The following SERP1 variants were observed in gnomAD, a reference collection of about 807,000 sequenced individuals.
The protein encoded by SERP1 is stress associated endoplasmic reticulum protein 1.
Under a neutral mutation model 8.8 loss-of-function variants are expected in SERP1, and 6 were observed. The ratio of observed to expected loss-of-function variants is 0.68; its 90% CI spans 0.37 to 1.35. The LOEUF is 1.35. SERP1 is among the 40% of genes most tolerant of loss of function. The pLI, the probability that SERP1 is intolerant of heterozygous loss-of-function variation, is 0.02. For missense variants in SERP1, 52 were observed against 86.2 expected (o/e 0.60, Z 1.57); for synonymous variants, 36 against 28.7 (o/e 1.25, Z -0.81).
chr3:150,545,097 T>C (rs1722952078), intron 2 of SERP1, among the ~76,000 whole-genome samples: 2 of 152,204 alleles, frequency 1.3e-5, no homozygotes, highest in African/African-American at 2.4e-5. Context: ...TTGTAATCTA[T>C]TTGCAAAGGC....
chr3:150,545,669 G>A (rs374893493), intron 2 of SERP1, 34 bp downstream of exon 2: 1 of 1,578,806 alleles, frequency 6.3e-7, no homozygotes, highest in Non-Finnish European at 8.6e-7. Context: ...TTCAACCCAA[G>A]ACTCTACCTG....
At position 150,546,395 on chromosome 3, in the gene SERP1, G is replaced by GCGCCGCCGT; in HGVS notation, c.-269_-261dup. The stretch of plus-strand genomic sequence containing the variant: ...GAGAACTGGCCGCCGGGTCGTTCTC[G>GCGCCGCCGT]CGCCGCCGTCGCCGCCGCTTTGGCC... On this transcript the variant is annotated 5_prime_UTR_variant, in exon 1 of 3. Transcript: ENST00000239944. The GCGCCGCCGT allele has an allele frequency of 3.6e-6, 2 of 561,328 alleles. No homozygotes were observed. Among genetic ancestry groups the GCGCCGCCGT allele is most frequent in the Non-Finnish European group, 6.2e-6 (2 of 321,496 alleles). 34.8% of individuals were successfully genotyped at this position (561,328 alleles called of 1,614,324 possible).
chr3:150,545,881 C>G, intron 1 of SERP1, 103 bp from the exon 2 acceptor site: 1 of 1,371,204 alleles, frequency 7.3e-7, no homozygotes, highest in Admixed American at 2.2e-5. Flanking sequence ...TCACAGGTCT[C>G]CCCTTCCGTT....
At chr3:150,546,005 C>T (rs577549504) in intron 1 of SERP1, 47 bp downstream of exon 1, 2 of 1,608,552 alleles carry the variant, frequency 1.2e-6, no homozygotes, top group Admixed American at 3.3e-5. Context: ...GGGACCCGGA[C>T]TCAGCTCCGG....
intron 1 of SERP1, 69 bp from the exon 2 acceptor site, chr3:150,545,847 A>ACGCCGGT: frequency 6.7e-7 from 1 of 1,491,490 alleles, no homozygotes; most frequent in South Asian, 1.2e-5. Context: ...CCACGCCTGC[A>ACGCCGGT]CGCCGGTCGC....
rs991502648 is a variant in SERP1 at position 150,543,105 on chromosome 3, C to T, written c.*1353G>A. On this transcript the variant is annotated 3_prime_UTR_variant, in exon 3 of 3. Coordinates refer to ENST00000239944, the MANE Select transcript of SERP1 (RefSeq NM_014445.4). ...TAGGTAGCAGATTTCCCTTCTGTTC[C>T]TCTTAAAACAGCTTATTTTAAAAGA... 7 of 152,560 alleles carry T rather than the reference C, an allele frequency of 4.6e-5. No individual in the cohort carries two copies. Among genetic ancestry groups the T allele is most frequent in the African/African-American group, 1.7e-4 (7 of 41,436 alleles). 9.5% of individuals were successfully genotyped at this position (152,560 alleles called of 1,614,324 possible).
At position 150,546,426 on chromosome 3, in the gene SERP1, C is replaced by G; in HGVS notation, c.-291G>C. The G allele has an allele frequency of 5.4e-6, 3 of 553,700 alleles. No homozygotes were observed. The allele number at this position is 553,700 out of a possible 1,614,324, so 34.3% of individuals were successfully genotyped here. On this transcript the variant is annotated 5_prime_UTR_variant, in exon 1 of 3. Transcript: ENST00000239944. ...CCGTCGCCGCCGCTTTGGCCGCCGCCGTGAGCGCGGAGTGAAAGAGGAAGG... is the reference window on the plus strand; with the variant it reads ...CCGTCGCCGCCGCTTTGGCCGCCGCGGTGAGCGCGGAGTGAAAGAGGAAGG...
intron 2 of SERP1, among the ~76,000 whole-genome samples, chr3:150,544,840 TG>T (rs1049711261): frequency 6.6e-6 from 1 of 152,260 alleles, no homozygotes; most frequent in Non-Finnish European, 1.5e-5. Flanking sequence ...TTTTAAGGCC[TG>T]GCCTGTAACA....
In SERP1 at chr3:150,546,458, A is replaced by G. The variant is rs1576582736; in HGVS notation, c.-323T>C. On this transcript the variant is annotated 5_prime_UTR_variant, in exon 1 of 3. Transcript: ENST00000239944. ...GCGGAGTGAAAGAGGAAGGAAACGC[A>G]ACGCAACAACGGGAATGTGCAGCCC... 3.6e-6 allele frequency: 2 copies of G among 555,462 alleles called. No individual in the cohort carries two copies. Among genetic ancestry groups the G allele is most frequent in the East Asian group, 6.2e-5 (2 of 32,210 alleles). The allele number at this position is 555,462 out of a possible 1,614,324, so 34.4% of individuals were successfully genotyped here.
rs186776072 is a variant in SERP1 at position 150,543,724 on chromosome 3, G to A, written c.*734C>T. On this transcript the variant is annotated 3_prime_UTR_variant, in exon 3 of 3. Coordinates refer to ENST00000239944, the MANE Select transcript of SERP1 (RefSeq NM_014445.4). The stretch of plus-strand genomic sequence containing the variant: ...TGACTGACTTCACTCCACCACGGTA[G>A]CTTTTAGTGAAACCACAGTAACTGA... 199 of 152,340 alleles carry A rather than the reference G, an allele frequency of 1.3e-3. 1 individual carries two copies. The highest frequency in any genetic ancestry group is 4.4e-3 in the African/African-American group (184 of 41,502). 9.4% of individuals were successfully genotyped at this position (152,340 alleles called of 1,614,324 possible). A position where few individuals can be genotyped will look rare whatever the true frequency, so the allele number is the denominator to read the frequency against.
intron 1 of SERP1, 91 bp from the exon 2 acceptor site, chr3:150,545,869 C>A (rs149995172): frequency 0.012 from 16,557 of 1,401,772 alleles, 227 homozygotes; most frequent in Admixed American, 0.058. Flanking sequence ...GGCCCCCTCA[C>A]CTCACAGGTC....
At position 150,544,068 on chromosome 3, in the gene SERP1, T is replaced by C. The variant is rs1722929932; in HGVS notation, c.*390A>G. The C allele has an allele frequency of 5.8e-6, 1 of 172,080 alleles. No individual in the cohort carries two copies. Among genetic ancestry groups the C allele is most frequent in the Non-Finnish European group, 1.2e-5 (1 of 80,892 alleles). The allele number at this position is 172,080 out of a possible 1,614,324, so 10.7% of individuals were successfully genotyped here. A position where few individuals can be genotyped will look rare whatever the true frequency, so the allele number is the denominator to read the frequency against. Reference sequence around the variant, plus strand: ...TATATAAAAACCACAAGACTTCAAATTGTAATTTAAGCTAACTGCAGTTAT... The same window carrying C: ...TATATAAAAACCACAAGACTTCAAACTGTAATTTAAGCTAACTGCAGTTAT... On this transcript the variant is annotated 3_prime_UTR_variant, in exon 3 of 3. Coordinates refer to ENST00000239944, the MANE Select transcript of SERP1 (RefSeq NM_014445.4).
Position 150,544,578 on chromosome 3 carries a change from C to T in SERP1, c.161-80G>A, listed in dbSNP as rs1338802374. 8 of 1,161,262 alleles carry T rather than the reference C, an allele frequency of 6.9e-6. No individual in the cohort carries two copies. In the African/African-American group the frequency reaches 9.2e-5, roughly 13 times the overall value. The allele number at this position is 1,161,262 out of a possible 1,614,324, so 71.9% of individuals were successfully genotyped here. A position where few individuals can be genotyped will look rare whatever the true frequency, so the allele number is the denominator to read the frequency against. ...GTCTAACAAATATTTATTAAGGTAGCTGAAGAATCCAAAGGTACTCTTACA... is the reference window on the plus strand; with the variant it reads ...GTCTAACAAATATTTATTAAGGTAGTTGAAGAATCCAAAGGTACTCTTACA... On this transcript the variant is annotated intron_variant, in intron 2 of 2. Transcript: ENST00000239944.
rs1559870777 is a variant in SERP1, at chr3:150,546,239, G to C, written c.-104C>G. On this transcript the variant is annotated 5_prime_UTR_variant, in exon 1 of 3. Transcript: ENST00000239944. Reference sequence around the variant, plus strand: ...TCGGCTCGTGGTGCCCGCGCCGCCGGAGCGCCGAGGTTCTCAGGCCAGACG... The same window carrying C: ...TCGGCTCGTGGTGCCCGCGCCGCCGCAGCGCCGAGGTTCTCAGGCCAGACG... The C allele has an allele frequency of 1.5e-6, 2 of 1,324,518 alleles. No individual in the cohort carries two copies. Among genetic ancestry groups the C allele is most frequent in the Non-Finnish European group, 2.1e-6 (2 of 943,460 alleles). 82.0% of individuals were successfully genotyped at this position (1,324,518 alleles called of 1,614,324 possible).
chr3:150,545,812 G>A (rs781641558), intron 1 of SERP1, 34 bp from the exon 2 acceptor site: 17 of 1,578,228 alleles, frequency 1.1e-5, no homozygotes, highest in Non-Finnish European at 1.4e-5. Context: ...TTCAGATGCA[G>A]AGAAACCACT....
In SERP1 at chr3:150,545,697, A is replaced by G; in HGVS notation, c.160+6T>C. 6.2e-7 allele frequency: 1 copy of G among 1,603,754 alleles called. No homozygotes were observed. Among genetic ancestry groups the G allele is most frequent in the Non-Finnish European group, 8.5e-7 (1 of 1,174,160 alleles). On this transcript the variant is annotated splice_donor_region_variant and intron_variant, in intron 2 of 2. Transcript: ENST00000239944. ...TCTACCTGATGGGAGCCCCCAAGCC[A>G]CTTACCAGAACCACAGACAACAAAA...
In SERP1 at chr3:150,543,448, G is replaced by A. The variant is rs189971277; in HGVS notation, c.*1010C>T. ...TGATGTGTCTAGTACCCTAATGATT[G>A]AAAAATCATTAATCTAGAAAAAGCA... is the stretch of plus-strand genomic sequence containing the variant. On this transcript the variant is annotated 3_prime_UTR_variant, in exon 3 of 3. Transcript: ENST00000239944. The A allele has an allele frequency of 1.3e-3, 197 of 152,630 alleles. 1 individual carries two copies. Among genetic ancestry groups the A allele is most frequent in the Non-Finnish European group, 3.1e-4 (21 of 68,004 alleles). 9.5% of individuals were successfully genotyped at this position (152,630 alleles called of 1,614,324 possible). A position where few individuals can be genotyped will look rare whatever the true frequency, so the allele number is the denominator to read the frequency against.
intron 2 of SERP1, 133 bp from the exon 3 acceptor site, chr3:150,544,631 A>T (rs1348187434): frequency 8.0e-6 from 5 of 624,012 alleles, no homozygotes; most frequent in Non-Finnish European, 1.4e-5. Context: ...ACTTCAGTAT[A>T]ATAAGAAGTG....
Position 150,546,239 on chromosome 3 carries a change from G to A in SERP1, c.-104C>T. ...TCGGCTCGTGGTGCCCGCGCCGCCG[G>A]AGCGCCGAGGTTCTCAGGCCAGACG... On this transcript the variant is annotated 5_prime_UTR_variant, in exon 1 of 3. Coordinates refer to ENST00000239944, the MANE Select transcript of SERP1 (RefSeq NM_014445.4). 3 of 1,324,518 alleles carry A rather than the reference G, an allele frequency of 2.3e-6. No individual in the cohort carries two copies. Among genetic ancestry groups the A allele is most frequent in the African/African-American group, 1.4e-5 (1 of 69,198 alleles). The allele number at this position is 1,324,518 out of a possible 1,614,324, so 82.0% of individuals were successfully genotyped here.
Sources: gnomAD v4.1 joint callset for allele counts (sites outside exome capture counted in the v4.1 genomes callset) on GRCh38, gnomAD v4.1.1 for gene constraint, MANE v1.5 for transcripts, NCBI Gene and HGNC (gene_info 2026-07-23, HGNC 2026-07-21) for gene names.